ADAMTSL1: variants seen among roughly 807,000 people sequenced by gnomAD.
ADAMTSL1 encodes ADAMTS like 1, also known as ADAMTS-like protein 1.
In ADAMTSL1, 126 loss-of-function variants were observed where a neutral mutation model predicts 201.8. The ratio of observed to expected loss-of-function variants is 0.62; its 90% confidence interval spans 0.54 to 0.72. The LOEUF (loss-of-function observed/expected upper bound fraction) is 0.72. Among genes scored for constraint, ADAMTSL1 ranks in the 30% least tolerant of loss-of-function variants. ADAMTSL1 has a pLI of 0.00. For synonymous variants in ADAMTSL1, 1,121 were observed against 903.4 expected (o/e 1.24, Z -4.32); for missense variants, 2,679 against 2,277.8 (o/e 1.18, Z -3.59).
At chr9:18,784,686 C>G (rs535447200) in intron 19 of ADAMTSL1, among the ~76,000 whole-genome samples, 22 of 152,314 alleles carry the variant, frequency 1.4e-4, no homozygotes, top group Admixed American at 1.4e-3. Context: ...CCCACCACAT[C>G]CAGGCCAGTG....
rs188027326 is a variant in ADAMTSL1 at position 18,259,150 on chromosome 9, A to C, written c.207+95169A>C. Among the ~76,000 whole-genome samples, 195 of 152,270 alleles carry C rather than the reference A, an allele frequency of 1.3e-3. 2 individuals carry two copies. Among genetic ancestry groups the C allele is most frequent in the African/African-American group, 4.4e-3 (182 of 41,562 alleles). On this transcript the variant is annotated intron_variant, in intron 2 of 29. Transcript: ENST00000680146. ...ACATTCATTTCCTAGGCAATTTCTTATGCTCATGTGGGCTTAAAACACCAT... is the reference window on the plus strand; with the variant it reads ...ACATTCATTTCCTAGGCAATTTCTTCTGCTCATGTGGGCTTAAAACACCAT...
At chr9:18,145,518 T>C (rs577422386) in intron 1 of ADAMTSL1, among the ~76,000 whole-genome samples, 354 of 152,308 alleles carry the variant, frequency 2.3e-3, no homozygotes, top group African/African-American at 8.1e-3. Flanking sequence ...TAAAATTGCA[T>C]GATTATGGTG....
intron 4 of ADAMTSL1, among the ~76,000 whole-genome samples, chr9:18,609,377 GAGCCAACCATGC>G (rs1439381211): frequency 1.7e-5 from 2 of 117,276 alleles, no homozygotes; most frequent in African/African-American, 6.6e-5. Flanking sequence ...ATTTCCCAAA[GAGCCAACCATGC>G]TTGCTGGTAT....
At chr9:18,122,680 C>T (rs1295415162) in intron 1 of ADAMTSL1, among the ~76,000 whole-genome samples, 2 of 152,084 alleles carry the variant, frequency 1.3e-5, no homozygotes, top group Non-Finnish European at 2.9e-5. Context: ...TAGAGATTAG[C>T]TGAAATTTTG....
chr9:18,702,047 A>G (rs1258085391), intron 13 of ADAMTSL1, among the ~76,000 whole-genome samples: 4 of 152,226 alleles, frequency 2.6e-5, no homozygotes, highest in Non-Finnish European at 4.4e-5. Flanking sequence ...CACATCTTAC[A>G]TGGATAGCGG....
Position 18,468,929 on chromosome 9 carries a change from A to G in ADAMTSL1, c.208-35900A>G, listed in dbSNP as rs1346393163. 3.3e-5 allele frequency among the ~76,000 whole-genome samples: 5 copies of G among 152,322 alleles called. No homozygotes were observed. The Middle Eastern group carries it at 0.014, about 414-fold the overall frequency. ...GAGTTTGTCACGTAAGCAACATGCT[A>G]TGCTAGACACTTTGCAGGGAAAGAG... On this transcript the variant is annotated intron_variant, in intron 2 of 29. Transcript: ENST00000680146.
intron 1 of ADAMTSL1, among the ~76,000 whole-genome samples, chr9:17,939,015 T>G (rs1827125438): frequency 6.6e-6 from 1 of 152,178 alleles, no homozygotes. Flanking sequence ...CTCTCCACAC[T>G]GAACCCCTAT....
At chr9:18,455,155 G>A (rs1465639044) in intron 2 of ADAMTSL1, among the ~76,000 whole-genome samples, 1 of 152,118 alleles carries the variant, frequency 6.6e-6, no homozygotes, top group African/African-American at 2.4e-5. Flanking sequence ...TGCAAAGTAA[G>A]CTTTAGGTAT....
chr9:18,335,642 GC>G (rs1835206740), intron 2 of ADAMTSL1, among the ~76,000 whole-genome samples: 1 of 152,060 alleles, frequency 6.6e-6, no homozygotes, highest in African/African-American at 2.4e-5. Context: ...TAACCTCATA[GC>G]TTTCCCACTT....
chr9:18,877,295 T>A (rs1473667046), intron 23 of ADAMTSL1, among the ~76,000 whole-genome samples: 5 of 152,186 alleles, frequency 3.3e-5, no homozygotes, highest in Non-Finnish European at 1.5e-5. Flanking sequence ...CAGTGTGATC[T>A]TTTGGGAGTG....
At chr9:18,588,471 A>C (rs1446770969) in intron 4 of ADAMTSL1, among the ~76,000 whole-genome samples, 1 of 151,892 alleles carries the variant, frequency 6.6e-6, no homozygotes, top group Admixed American at 6.6e-5. Context: ...AATGTAATCT[A>C]TGTGTCTGTT....
intron 2 of ADAMTSL1, among the ~76,000 whole-genome samples, chr9:18,294,764 C>T (rs2132699720): frequency 6.6e-6 from 1 of 152,248 alleles, no homozygotes; most frequent in East Asian, 1.9e-4. Context: ...AGAATAAAGT[C>T]ACATAATAAA....
intron 19 of ADAMTSL1, among the ~76,000 whole-genome samples, chr9:18,783,610 G>GAATGGCTTTT (rs1821531419): frequency 6.6e-6 from 1 of 152,170 alleles, no homozygotes; most frequent in Non-Finnish European, 1.5e-5. Context: ...GGATTATTAA[G>GAATGGCTTTT]AATGGCTTTT....
At chr9:18,629,894 T>C (rs1826637208) in intron 5 of ADAMTSL1, among the ~76,000 whole-genome samples, 1 of 152,192 alleles carries the variant, frequency 6.6e-6, no homozygotes, top group Non-Finnish European at 1.5e-5. Context: ...TATGTAACCT[T>C]ATGAACTTAT....
intron 2 of ADAMTSL1, among the ~76,000 whole-genome samples, chr9:18,360,333 G>C (rs777538683): frequency 6.6e-6 from 1 of 152,134 alleles, no homozygotes; most frequent in Non-Finnish European, 1.5e-5. Context: ...AGACAACCTA[G>C]GAGTCCTGTC....
In ADAMTSL1 at chr9:18,599,878, C is replaced by T. The variant is rs142708682; in HGVS notation, c.475-22365C>T. On this transcript the variant is annotated intron_variant, in intron 4 of 28. Transcript: ENST00000380548. The stretch of plus-strand genomic sequence containing the variant: ...CCTTTAAAAATCAGATCTGGCTGGG[C>T]GCGGTGGCTCACGCCTGTAATCCCA... Among the ~76,000 whole-genome samples, 126 of 150,728 alleles carry T rather than the reference C, an allele frequency of 8.4e-4. No individual in the cohort carries two copies. In the East Asian group the frequency reaches 0.01, roughly 12 times the overall value.
At chr9:18,551,310 T>C (rs1202065475) in intron 3 of ADAMTSL1, among the ~76,000 whole-genome samples, 1 of 151,966 alleles carries the variant, frequency 6.6e-6, no homozygotes, top group East Asian at 1.9e-4. Context: ...CATCTTGTTT[T>C]GGTTTCCTAA....
intron 2 of ADAMTSL1, among the ~76,000 whole-genome samples, chr9:18,316,966 T>C (rs1197757316): frequency 6.6e-6 from 1 of 152,164 alleles, no homozygotes; most frequent in Non-Finnish European, 1.5e-5. Context: ...AGCCAAGATA[T>C]GGAAATGACC....
At chr9:18,078,769 C>G (rs1051896525) in intron 1 of ADAMTSL1, among the ~76,000 whole-genome samples, 1 of 152,140 alleles carries the variant, frequency 6.6e-6, no homozygotes, top group Non-Finnish European at 1.5e-5. Flanking sequence ...CCCATATTCT[C>G]TCTGCAGGGA....
Sources: gnomAD v4.1 joint callset for allele counts (sites outside exome capture counted in the v4.1 genomes callset) on GRCh38, gnomAD v4.1.1 for gene constraint, MANE v1.5 for transcripts, NCBI Gene and HGNC (gene_info 2026-07-23, HGNC 2026-07-21) for gene names.